The following DCLK2 variants were observed in gnomAD, a reference collection of about 807,000 sequenced individuals.
The protein encoded by DCLK2 is serine/threonine-protein kinase DCLK2.
Under a neutral mutation model 78.4 loss-of-function variants are expected in DCLK2, and 31 were observed. The observed-to-expected ratio is 0.40, with a 90% CI of 0.30 to 0.53. The LOEUF (loss-of-function observed/expected upper bound fraction) is 0.53. Among genes scored for constraint, DCLK2 ranks in the 20% least tolerant of loss-of-function variants. The pLI is 0.61. For synonymous variants in DCLK2, 407 were observed against 374.9 expected, an observed-to-expected ratio of 1.09 and a Z score of -0.99; for missense variants, 872 against 973.7, an observed-to-expected ratio of 0.90 and a Z score of 1.39.
intron 3 of DCLK2, among the ~76,000 whole-genome samples, chr4:150,194,075 A>G (rs1560855253): frequency 6.7e-6 from 1 of 149,284 alleles, no homozygotes. Flanking sequence ...ACACACACGT[A>G]TACTTACTTT....
intron 2 of DCLK2, among the ~76,000 whole-genome samples, chr4:150,163,908 G>C (rs1315279431): frequency 6.6e-6 from 1 of 152,174 alleles, no homozygotes; most frequent in Non-Finnish European, 1.5e-5. Flanking sequence ...TACTTTCCAT[G>C]GTTAAGGACA....
At chr4:150,126,256 A>G (rs527348581) in intron 2 of DCLK2, among the ~76,000 whole-genome samples, 9 of 152,348 alleles carry the variant, frequency 5.9e-5, no homozygotes, top group Non-Finnish European at 7.3e-5. Context: ...TTTTGTGCCT[A>G]TTCTATGGTA....
At chr4:150,205,246 C>T in intron 5 of DCLK2, among the ~76,000 whole-genome samples, 1 of 152,168 alleles carries the variant, frequency 6.6e-6, no homozygotes, top group South Asian at 2.1e-4. Context: ...TGTGCTTCCC[C>T]ACTTCTCAGA....
intron 2 of DCLK2, among the ~76,000 whole-genome samples, chr4:150,104,234 A>T (rs746182218): frequency 7.2e-5 from 11 of 151,770 alleles, no homozygotes; most frequent in Non-Finnish European, 1.0e-4. Context: ...GAAATAAAAG[A>T]AGTTGTGGTC....
chr4:150,147,131 T>A lies in DCLK2; in HGVS notation c.756+44319T>A, dbSNP rs574264923. 2.9e-4 allele frequency among the ~76,000 whole-genome samples: 44 copies of A among 150,314 alleles called. 1 individual carries two copies. The highest frequency in any genetic ancestry group is 8.6e-4 in the African/African-American group (35 of 40,886). On this transcript the variant is annotated intron_variant, in intron 2 of 15. Transcript: ENST00000296550. ...AGGCCTGTTTCTACCAAAAAAAAAA[T>A]AAAAAATAAAAAAGATAAGTTAGCG...
intron 2 of DCLK2, among the ~76,000 whole-genome samples, chr4:150,131,465 A>G (rs577962620): frequency 6.6e-5 from 10 of 152,266 alleles, no homozygotes; most frequent in Admixed American, 1.3e-4. Flanking sequence ...AGCAAATCTT[A>G]CTTTGCTGTT....
In DCLK2 at chr4:150,256,134, G is replaced by A; in HGVS notation, c.2188G>A (p.Val730Met). 6.2e-7 allele frequency: 1 copy of A among 1,611,488 alleles called. No homozygotes were observed. The highest frequency in any genetic ancestry group is 8.5e-7 in the Non-Finnish European group (1 of 1,179,506). ...PVPPSVEEIP[V>M]PGEAVPAPTP... ...TCCTCCCTCAGTGGAGGAGATCCCT[G>A]TGCCTGGGGAAGCAGTCCCGGCCCC... Residue 730 changes from valine (V) to methionine (M), a missense_variant, in exon 16 of 16, where the codon GTG (valine) becomes ATG (methionine). Transcript: ENST00000296550.
chr4:150,182,122 G>A (rs185114572), intron 2 of DCLK2, among the ~76,000 whole-genome samples: 9 of 150,822 alleles, frequency 6.0e-5, no homozygotes, highest in South Asian at 4.2e-4. Context: ...ATCTCGGTTC[G>A]CTGCAGCCTT....
intron 10 of DCLK2, among the ~76,000 whole-genome samples, chr4:150,236,622 A>G (rs1219108652): frequency 2.0e-5 from 3 of 152,190 alleles, no homozygotes; most frequent in Admixed American, 6.5e-5. Flanking sequence ...ATTAAAGGCA[A>G]CTGTTTTTAA....
At chr4:150,110,818 GT>G (rs1396077580) in intron 2 of DCLK2, among the ~76,000 whole-genome samples, 1 of 152,020 alleles carries the variant, frequency 6.6e-6, no homozygotes, top group East Asian at 1.9e-4. Flanking sequence ...TATTATTTCA[GT>G]CTTTTTTATG....
chr4:150,104,328 C>T (rs1731086949), intron 2 of DCLK2, among the ~76,000 whole-genome samples: 1 of 130,398 alleles, frequency 7.7e-6, no homozygotes, highest in Admixed American at 8.9e-5. Flanking sequence ...TTTCGGGCTG[C>T]AGTGAGCTAT....
At chr4:150,239,427 G>A (rs773907333) in intron 10 of DCLK2, among the ~76,000 whole-genome samples, 2 of 151,902 alleles carry the variant, frequency 1.3e-5, no homozygotes, top group Admixed American at 6.6e-5. Flanking sequence ...AGGAGACCCC[G>A]TCTCTACAAA....
intron 14 of DCLK2, 98 bp downstream of exon 14, chr4:150,248,483 C>G: frequency 1.0e-6 from 1 of 975,618 alleles, no homozygotes; most frequent in Non-Finnish European, 1.6e-6. Flanking sequence ...AGTTATGCAT[C>G]CAAGCTCCAT....
chr4:150,195,119 G>T (rs1738764688), intron 3 of DCLK2, among the ~76,000 whole-genome samples: 1 of 117,930 alleles, frequency 8.5e-6, no homozygotes, highest in African/African-American at 3.3e-5. Context: ...GTGTGGTTAA[G>T]GTTAAATAAA....
chr4:150,148,759 G>A lies in DCLK2; in HGVS notation c.757-44379G>A, dbSNP rs151155107. Among the ~76,000 whole-genome samples, 583 of 152,136 alleles carry A rather than the reference G, an allele frequency of 3.8e-3. 4 individuals are homozygous for A. The highest frequency in any genetic ancestry group is 0.014 in the African/African-American group (561 of 41,498). ...TCTTTGAAATAAGTGGAGGCCAGGC[G>A]TGGTGGCTCACGCCAGTAATCCCAG... On this transcript the variant is annotated intron_variant, in intron 2 of 15. Transcript: ENST00000296550.
At chr4:150,253,578 AC>A in intron 15 of DCLK2, 2 of 1,289,516 alleles carry the variant, frequency 1.6e-6, no homozygotes, top group Non-Finnish European at 2.0e-6. Context: ...GCTGCGTCCG[AC>A]CAGCGCGCCC....
At position 150,104,775 on chromosome 4, in the gene DCLK2, TAAAAA is replaced by T. The variant is rs5862906; in HGVS notation, c.756+1969_756+1973del. Among the ~76,000 whole-genome samples, 6 of 150,778 alleles carry T rather than the reference TAAAAA, an allele frequency of 4.0e-5. No homozygotes were observed. The South Asian group carries it at 1.3e-3, about 31-fold the overall frequency. On this transcript the variant is annotated intron_variant, in intron 2 of 15. Coordinates refer to ENST00000296550, the MANE Select transcript of DCLK2 (RefSeq NM_001040260.4). ...AATGGGTGATTTTTTAAAATTACAC[TAAAAA>T]AAAAATTTCTATCTGAAACAACAAG...
intron 8 of DCLK2, among the ~76,000 whole-genome samples, chr4:150,229,155 T>C (rs532976809): frequency 1.8e-4 from 28 of 151,616 alleles, no homozygotes; most frequent in Non-Finnish European, 4.1e-4. Flanking sequence ...GCCCTGGCAA[T>C]ATAGTGAGAC....
chr4:150,247,742 G>C (rs769637952), intron 13 of DCLK2, 43 bp downstream of exon 13: 6 of 1,535,842 alleles, frequency 3.9e-6, no homozygotes, highest in Non-Finnish European at 5.4e-6. Context: ...TACGTTGTGG[G>C]GTCCTCACCC....
Sources: gnomAD v4.1 joint callset for allele counts (sites outside exome capture counted in the v4.1 genomes callset) on GRCh38, gnomAD v4.1.1 for gene constraint, MANE v1.5 for transcripts, NCBI Gene and HGNC (gene_info 2026-07-23, HGNC 2026-07-21) for gene names.